Variants in LRMDA observed in about 807,000 individuals in gnomAD.
LRMDA encodes leucine-rich melanocyte differentiation-associated protein.
A neutral mutation model predicts 29.8 loss-of-function variants in LRMDA; 18 were observed. The ratio of observed to expected loss-of-function variants is 0.60; its 90% confidence interval spans 0.42 to 0.90. The LOEUF is 0.90. Ranked by LOEUF, LRMDA falls within the 40% of genes least tolerant of loss-of-function variation. The pLI, the probability that LRMDA is intolerant of heterozygous loss-of-function variation, is 0.00. For missense variants in LRMDA, 273 were observed against 273.9 expected (o/e 1.00, Z 0.02); for synonymous variants, 125 against 109.4 (o/e 1.14, Z -0.89).
chr10:76,258,592 A>T (rs1450884311), intron 5 of LRMDA, among the ~76,000 whole-genome samples: 2 of 152,120 alleles, frequency 1.3e-5, no homozygotes, highest in Non-Finnish European at 2.9e-5. Context: ...ATCCTTTAAC[A>T]AATCTCCCTA....
At chr10:75,919,315 C>T (rs1845989493) in intron 2 of LRMDA, among the ~76,000 whole-genome samples, 1 of 152,152 alleles carries the variant, frequency 6.6e-6, no homozygotes, top group African/African-American at 2.4e-5. Flanking sequence ...ATAGTGAAGG[C>T]TCAAGATTCA....
intron 2 of LRMDA, among the ~76,000 whole-genome samples, chr10:75,737,134 T>A (rs1180945568): frequency 6.6e-6 from 1 of 151,844 alleles, no homozygotes; most frequent in Non-Finnish European, 1.5e-5. Context: ...CACACATGCC[T>A]CAAATACCAC....
chr10:75,795,513 T>A (rs1843638254), intron 2 of LRMDA, among the ~76,000 whole-genome samples: 1 of 152,230 alleles, frequency 6.6e-6, no homozygotes, highest in Non-Finnish European at 1.5e-5. Context: ...ATTCAATTAT[T>A]TTGGAAACTT....
At chr10:75,948,224 C>G (rs1414791210) in intron 2 of LRMDA, among the ~76,000 whole-genome samples, 1 of 152,094 alleles carries the variant, frequency 6.6e-6, no homozygotes, top group Admixed American at 6.5e-5. Flanking sequence ...CACTCTATGT[C>G]CTTTGAGGGG....
intron 5 of LRMDA, among the ~76,000 whole-genome samples, chr10:76,299,537 C>T (rs1199216760): frequency 6.6e-6 from 1 of 151,794 alleles, no homozygotes; most frequent in Non-Finnish European, 1.5e-5. Flanking sequence ...CCTTTTTATA[C>T]TTGCTCTGCT....
At chr10:75,503,880 AC>A (rs1229624039) in intron 2 of LRMDA, among the ~76,000 whole-genome samples, 3 of 152,178 alleles carry the variant, frequency 2.0e-5, no homozygotes, top group Non-Finnish European at 4.4e-5. Context: ...GGAAAGGTCA[AC>A]AATCTGGAAG....
intron 5 of LRMDA, among the ~76,000 whole-genome samples, chr10:76,316,002 C>T (rs1472789139): frequency 1.3e-5 from 2 of 152,308 alleles, no homozygotes; most frequent in Non-Finnish European, 2.9e-5. Context: ...CTGCCTTGCT[C>T]ACCTTCCAGT....
chr10:75,644,165 A>T (rs915664944), intron 2 of LRMDA, among the ~76,000 whole-genome samples: 10 of 152,182 alleles, frequency 6.6e-5, no homozygotes, highest in African/African-American at 2.4e-4. Context: ...GATAGAATGG[A>T]TGGTGACCCT....
chr10:75,808,906 C>G (rs1226597685), intron 2 of LRMDA, among the ~76,000 whole-genome samples: 1 of 152,194 alleles, frequency 6.6e-6, no homozygotes, highest in Non-Finnish European at 1.5e-5. Context: ...AATGTGGACT[C>G]AAGGCCATCC....
chr10:76,223,914 C>T (rs1851898704), intron 5 of LRMDA, among the ~76,000 whole-genome samples: 1 of 152,172 alleles, frequency 6.6e-6, no homozygotes, highest in Admixed American at 6.5e-5. Context: ...TCTACTTGGT[C>T]TATCCCTTGG....
chr10:75,845,165 C>T (rs1488943776), intron 2 of LRMDA, among the ~76,000 whole-genome samples: 2 of 151,396 alleles, frequency 1.3e-5, no homozygotes, highest in African/African-American at 4.9e-5. Flanking sequence ...TTATACATTA[C>T]ATTTTTCAGT....
intron 2 of LRMDA, among the ~76,000 whole-genome samples, chr10:75,631,405 C>A (rs540159628): frequency 3.9e-4 from 59 of 151,988 alleles, no homozygotes; most frequent in African/African-American, 8.0e-4. Flanking sequence ...CTCACTGCAC[C>A]CCCCCCGCCC....
chr10:75,711,163 G>C (rs1255722925), intron 2 of LRMDA, among the ~76,000 whole-genome samples: 1 of 152,156 alleles, frequency 6.6e-6, no homozygotes, highest in South Asian at 2.1e-4. Flanking sequence ...GATCTTTCAG[G>C]CTTCTTTCTT....
chr10:76,266,251 A>G lies in LRMDA; in HGVS notation c.517-58150A>G, dbSNP rs528504567. On this transcript the variant is annotated intron_variant, in intron 5 of 6. Transcript: ENST00000611255. ...ATAATAATAATCATCTTTTTTTGTA[A>G]TAAAGGTAATTGGATATGTTCCTAG... Among the ~76,000 whole-genome samples the G allele has an allele frequency of 3.4e-3, 512 of 152,226 alleles. 3 individuals are homozygous for G. Among genetic ancestry groups the G allele is most frequent in the Non-Finnish European group, 5.9e-3 (401 of 67,994 alleles).
chr10:76,539,122 C>A (rs1843324993), intron 6 of LRMDA, among the ~76,000 whole-genome samples: 1 of 152,068 alleles, frequency 6.6e-6, no homozygotes, highest in African/African-American at 2.4e-5. Flanking sequence ...CTAGCCACTT[C>A]TTAGAAAAGC....
chr10:76,418,505 C>T (rs907970938), intron 6 of LRMDA, among the ~76,000 whole-genome samples: 8 of 151,794 alleles, frequency 5.3e-5, no homozygotes, highest in African/African-American at 1.9e-4. Context: ...AAGCCAGAAA[C>T]CTTGCTAAAT....
In LRMDA at chr10:76,060,500, A is replaced by G. The variant is rs558655999; in HGVS notation, c.516+1717A>G. Among the ~76,000 whole-genome samples the G allele has an allele frequency of 2.0e-5, 3 of 152,292 alleles. No homozygotes were observed. The East Asian group carries it at 5.8e-4, about 29-fold the overall frequency. On this transcript the variant is annotated intron_variant, in intron 5 of 6. Coordinates refer to ENST00000611255, the MANE Select transcript of LRMDA (RefSeq NM_001305581.2). ...AGGGAACTGAGGGCTGGAGAAGTTA[A>G]CTGGGCTGCCCCAGGTCACCTGGCT... is the stretch of plus-strand genomic sequence containing the variant.
intron 6 of LRMDA, among the ~76,000 whole-genome samples, chr10:76,543,727 AT>A (rs1011879391): frequency 2.6e-5 from 4 of 152,242 alleles, no homozygotes; most frequent in Non-Finnish European, 1.5e-5. Context: ...GGGAGAACGG[AT>A]TGCTACTTCT....
intron 5 of LRMDA, among the ~76,000 whole-genome samples, chr10:76,239,781 T>C (rs559165281): frequency 1.3e-5 from 2 of 152,244 alleles, no homozygotes; most frequent in South Asian, 4.2e-4. Context: ...TCATTTTTTT[T>C]TGTATATGGT....
Sources: gnomAD v4.1 joint callset for allele counts (sites outside exome capture counted in the v4.1 genomes callset) on GRCh38, gnomAD v4.1.1 for gene constraint, MANE v1.5 for transcripts, NCBI Gene and HGNC (gene_info 2026-07-23, HGNC 2026-07-21) for gene names.